EPC1: variants seen among roughly 807,000 people sequenced by gnomAD.
EPC1 encodes the protein enhancer of polycomb 1, also known as enhancer of polycomb homolog 1.
A neutral mutation model predicts 98.4 loss-of-function variants in EPC1; 12 were observed. The ratio of observed to expected loss-of-function variants is 0.12; its 90% CI spans 0.08 to 0.20. The LOEUF is 0.20. EPC1 is among the 10% of genes least tolerant of loss of function. EPC1 has a pLI of 1.00. For missense variants in EPC1, 729 were observed against 990.5 expected (o/e 0.74, Z 3.54); for synonymous variants, 357 against 363.9 (o/e 0.98, Z 0.21).
chr10:32,286,070 A>G (rs1231190850), intron 9 of EPC1: 1 of 152,210 alleles, frequency 6.6e-6, no homozygotes, highest in African/African-American at 2.4e-5. Flanking sequence ...TTCCTGAAAA[A>G]GCACCTTGAT....
At chr10:32,369,123 A>G (rs1211420042) in intron 1 of EPC1, among the ~76,000 whole-genome samples, 1 of 152,250 alleles carries the variant, frequency 6.6e-6, no homozygotes, top group East Asian at 1.9e-4. Flanking sequence ...TTGTGACCAC[A>G]TAGCCAGACA....
chr10:32,286,338 G>C (rs1262728442), intron 9 of EPC1: 1 of 228,722 alleles, frequency 4.4e-6, no homozygotes, highest in East Asian at 9.6e-5. Context: ...ATACTAGCTA[G>C]TGTGAAACAA....
intron 6 of EPC1, among the ~76,000 whole-genome samples, chr10:32,290,483 CAAA>C (rs57193296): frequency 5.0e-5 from 2 of 40,160 alleles, no homozygotes; most frequent in African/African-American, 2.7e-4. Context: ...AAGACTCTGT[CAAA>C]AAAAAAAAAA....
intron 1 of EPC1, 157 bp downstream of exon 1, chr10:32,346,606 G>C: frequency 1.4e-6 from 1 of 739,652 alleles, no homozygotes; most frequent in Non-Finnish European, 2.2e-6. Context: ...CGGGGGTCGA[G>C]GCTGGGGGAG....
chr10:32,351,291 C>T (rs569599622), upstream of EPC1, among the ~76,000 whole-genome samples: 3 of 152,294 alleles, frequency 2.0e-5, no homozygotes, highest in African/African-American at 4.8e-5. Context: ...CCCACTCTGT[C>T]CAACATCGTT....
In EPC1 at chr10:32,327,914, G is replaced by A. The variant is rs553276995; in HGVS notation, c.153+18849C>T. ...ACATAAATGTATGTATGATCACTAC[G>A]TGCCAATTTTAAAAACCCTAACATT... On this transcript the variant is annotated intron_variant, in intron 1 of 13. Transcript: ENST00000319778. Among the ~76,000 whole-genome samples, 6 of 152,232 alleles carry A rather than the reference G, an allele frequency of 3.9e-5. No homozygotes were observed. In the South Asian group the frequency reaches 6.2e-4, roughly 16 times the overall value.
At position 32,346,889 on chromosome 10, in the gene EPC1, C is replaced by A; in HGVS notation, c.27G>T (p.Arg9=). Residue 9 remains arginine, a synonymous_variant, in exon 1 of 14, where the codon CGG becomes CGT. Coordinates refer to ENST00000319778, the MANE Select transcript of EPC1 (RefSeq NM_001272004.3). The part of the protein sequence containing the change: MSKLSFRA[R]ALDASKPLPV... ...GCAGCGGCTTCGAGGCGTCTAGCGC[C>A]CGCGCCCGAAACGACAGTTTACTCA... The A allele has an allele frequency of 6.2e-7, 1 of 1,614,080 alleles. No homozygotes were observed. Among genetic ancestry groups the A allele is most frequent in the Non-Finnish European group, 8.5e-7 (1 of 1,180,004 alleles).
At chr10:32,347,224 G>GGGGGAGGGAGCGCGGGCTC (rs1435780778), upstream of EPC1, 9 of 1,224,100 alleles carry the variant, frequency 7.4e-6, no homozygotes, top group Non-Finnish European at 8.1e-6. Flanking sequence ...CACGCGGGCG[G>GGGGGAGGGAGCGCGGGCTC]GGGGAGGGAG....
At chr10:32,369,983 AG>A (rs2133120341) in intron 1 of EPC1, among the ~76,000 whole-genome samples, 1 of 152,338 alleles carries the variant, frequency 6.6e-6, no homozygotes, top group East Asian at 1.9e-4. Context: ...AAAATTTGCA[AG>A]ATTTATGAAT....
intron 1 of EPC1, among the ~76,000 whole-genome samples, chr10:32,324,807 C>A (rs1415743013): frequency 6.6e-6 from 1 of 151,926 alleles, no homozygotes; most frequent in Non-Finnish European, 1.5e-5. Context: ...TCCTGGCTAA[C>A]ACGGTGAAAC....
At chr10:32,353,301 G>A (rs1839178875) in intron 1 of EPC1, among the ~76,000 whole-genome samples, 2 of 152,180 alleles carry the variant, frequency 1.3e-5, no homozygotes, top group South Asian at 4.1e-4. Context: ...AGAGAAAGGG[G>A]TAGCTATTTG....
At chr10:32,296,901 C>T (rs1835201758) in intron 2 of EPC1, among the ~76,000 whole-genome samples, 2 of 143,056 alleles carry the variant, frequency 1.4e-5, no homozygotes, top group South Asian at 4.3e-4. Flanking sequence ...AGCAAGACTC[C>T]ATCTCAAAAA....
rs547334772 is a variant in EPC1, at chr10:32,372,920, A to G, written c.3+5571T>C. ...GCGCCTGTAATCCCAGCTACTTGGG[A>G]GGCTGAGGCAGGAGAATTGCTTGAA... is the stretch of plus-strand genomic sequence containing the variant. On this transcript the variant is annotated intron_variant, in intron 1 of 13. Coordinates refer to the EPC1 transcript ENST00000375110. Among the ~76,000 whole-genome samples the G allele has an allele frequency of 1.7e-3, 255 of 152,322 alleles. 2 individuals carry two copies. Among genetic ancestry groups the G allele is most frequent in the Middle Eastern group, 0.014 (4 of 294 alleles).
At chr10:32,358,772 A>T (rs1344664681) in intron 1 of EPC1, among the ~76,000 whole-genome samples, 1 of 152,148 alleles carries the variant, frequency 6.6e-6, no homozygotes. Context: ...CTGCTTCATC[A>T]TCTGTCTGAG....
At chr10:32,290,091 T>C (rs999878669) in intron 6 of EPC1, among the ~76,000 whole-genome samples, 5 of 152,186 alleles carry the variant, frequency 3.3e-5, no homozygotes, top group African/African-American at 1.2e-4. Context: ...CTTAGTTAAG[T>C]ACTAATTTGT....
At chr10:32,365,067 C>G (rs1839560648) in intron 1 of EPC1, among the ~76,000 whole-genome samples, 1 of 152,134 alleles carries the variant, frequency 6.6e-6, no homozygotes, top group Non-Finnish European at 1.5e-5. Flanking sequence ...AGAAAAAGTT[C>G]TGGAAGACAT....
upstream of EPC1, among the ~76,000 whole-genome samples, chr10:32,352,042 A>ATTT (rs35657158): frequency 6.4e-5 from 6 of 93,450 alleles, no homozygotes; most frequent in African/African-American, 1.7e-4. Flanking sequence ...AGCCATATTG[A>ATTT]TTTTTTTTTT....
At chr10:32,270,249 A>G (rs965504900) in intron 13 of EPC1, among the ~76,000 whole-genome samples, 1 of 152,208 alleles carries the variant, frequency 6.6e-6, no homozygotes, top group African/African-American at 2.4e-5. Context: ...TTAATTTAAC[A>G]AGTATATAAT....
intron 1 of EPC1, chr10:32,345,286 C>T: frequency 1.0e-6 from 1 of 985,388 alleles, no homozygotes; most frequent in Middle Eastern, 5.2e-4. Flanking sequence ...ATACACTTGG[C>T]TTATCTGTAA....
Sources: allele counts gnomAD v4.1 joint callset (sites outside exome capture counted in the v4.1 genomes callset), GRCh38; gene constraint gnomAD v4.1.1; transcripts MANE v1.5; gene names NCBI Gene and HGNC (gene_info 2026-07-23, HGNC 2026-07-21).